Variants in ITGB6 observed in about 807,000 individuals in gnomAD.
The protein encoded by ITGB6 is integrin subunit beta 6.
In ITGB6, 80 loss-of-function variants were observed where a neutral mutation model predicts 84.5. The observed-to-expected ratio is 0.95, with a 90% CI of 0.79 to 1.14. ITGB6 has a LOEUF of 1.14. ITGB6 is among the 50% of genes most tolerant of loss of function. ITGB6 has a pLI of 0.00. For synonymous variants in ITGB6, 383 were observed against 354.9 expected (o/e 1.08, Z -0.89); for missense variants, 1,006 against 968.0 (o/e 1.04, Z -0.52).
chr2:160,198,246 G>C (rs1170614894), intron 2 of ITGB6, among the ~76,000 whole-genome samples: 1 of 152,156 alleles, frequency 6.6e-6, no homozygotes, highest in Non-Finnish European at 1.5e-5. Context: ...CGTTGGTCAA[G>C]GCCGTAGTAA....
At chr2:160,136,213 AAAC>A (rs1166719460) in intron 10 of ITGB6, among the ~76,000 whole-genome samples, 1 of 152,216 alleles carries the variant, frequency 6.6e-6, no homozygotes, top group African/African-American at 2.4e-5. Context: ...TACAAGAAAA[AAAC>A]AACCCCATCA....
At chr2:160,177,894 G>C (rs1685493666) in intron 4 of ITGB6, among the ~76,000 whole-genome samples, 1 of 151,882 alleles carries the variant, frequency 6.6e-6, no homozygotes, top group Non-Finnish European at 1.5e-5. Flanking sequence ...TATTTTTTTG[G>C]AGATGGAGTC....
At chr2:160,182,088 C>T (rs942467632) in intron 4 of ITGB6, among the ~76,000 whole-genome samples, 2 of 152,158 alleles carry the variant, frequency 1.3e-5, no homozygotes, top group African/African-American at 4.8e-5. Flanking sequence ...CTCTTCTCCT[C>T]CAAAGGATTA....
At chr2:160,192,104 T>G (rs1165338566) in intron 4 of ITGB6, among the ~76,000 whole-genome samples, 1 of 152,158 alleles carries the variant, frequency 6.6e-6, no homozygotes, top group Admixed American at 6.5e-5. Context: ...TCTCAGCATA[T>G]TTTTTGAAGA....
At chr2:160,186,417 T>C (rs1256381346) in intron 4 of ITGB6, among the ~76,000 whole-genome samples, 2 of 152,132 alleles carry the variant, frequency 1.3e-5, no homozygotes, top group African/African-American at 2.4e-5. Flanking sequence ...CACAATGAGA[T>C]ACCATCTCAT....
chr2:160,179,781 A>C (rs1423338360), intron 4 of ITGB6, among the ~76,000 whole-genome samples: 5 of 151,806 alleles, frequency 3.3e-5, no homozygotes, highest in African/African-American at 1.2e-4. Flanking sequence ...AAAAAACACC[A>C]CAGTATACAT....
At chr2:160,123,712 C>T in intron 12 of ITGB6, 79 bp downstream of exon 12, 1 of 1,070,754 alleles carries the variant, frequency 9.3e-7, no homozygotes, top group South Asian at 1.4e-5. Context: ...CTAAATAGCC[C>T]TCGATTCACA....
chr2:160,145,927 C>T (rs1210389991), intron 7 of ITGB6, among the ~76,000 whole-genome samples: 1 of 152,186 alleles, frequency 6.6e-6, no homozygotes, highest in Non-Finnish European at 1.5e-5. Context: ...TGGCTGTCTG[C>T]TGGGTCAGTG....
intron 8 of ITGB6, among the ~76,000 whole-genome samples, 153 bp downstream of exon 8, chr2:160,141,829 A>G (rs1368757908): frequency 6.6e-6 from 1 of 152,222 alleles, no homozygotes; most frequent in African/African-American, 2.4e-5. Flanking sequence ...CAAAATGAAC[A>G]AAATTTATAT....
chr2:160,129,075 A>C (rs10497209), intron 10 of ITGB6, among the ~76,000 whole-genome samples: 23,398 of 152,024 alleles, frequency 0.15, 2,418 homozygotes, highest in Non-Finnish European at 0.24. Context: ...TCCTTATAGA[A>C]GAGACTGAGA....
In ITGB6 at chr2:160,158,402, G is replaced by A. The variant is rs140033630; in HGVS notation, c.1017+10810C>T. ...TGGATCCACCGTGCATGACTGTTCT[G>A]AGACAAACAAATGCACAGAGAGGCA... On this transcript the variant is annotated intron_variant, in intron 7 of 14. Transcript: ENST00000283249. Among the ~76,000 whole-genome samples, 846 of 152,308 alleles carry A rather than the reference G, an allele frequency of 5.6e-3. 11 individuals are homozygous for A. The highest frequency in any genetic ancestry group is 0.02 in the African/African-American group (818 of 41,562).
intron 7 of ITGB6, among the ~76,000 whole-genome samples, chr2:160,164,389 C>G (rs1684925979): frequency 2.6e-5 from 4 of 152,088 alleles, no homozygotes; most frequent in Admixed American, 2.0e-4. Context: ...TTAGATCTCG[C>G]ATTATTGAAA....
At position 160,196,200 on chromosome 2, in the gene ITGB6, C is replaced by A. The variant is rs768627829; in HGVS notation, c.346+16G>T. ...ATGACATTAGATCTATTTACATGAG[C>A]CAAATCCTAACATACCTGGTCTCAA... On this transcript the variant is annotated intron_variant, in intron 3 of 14. Coordinates refer to ENST00000283249, the MANE Select transcript of ITGB6 (RefSeq NM_000888.5). The A allele has an allele frequency of 6.2e-7, 1 of 1,609,784 alleles. No homozygotes were observed. Among genetic ancestry groups the A allele is most frequent in the African/African-American group, 1.3e-5 (1 of 74,928 alleles).
intron 4 of ITGB6, among the ~76,000 whole-genome samples, chr2:160,178,670 TTC>T (rs1169328146): frequency 3.2e-4 from 40 of 126,448 alleles, no homozygotes; most frequent in Middle Eastern, 4.6e-3. Context: ...CTCTCTATCT[TTC>T]TCTCTCTCTC....
chr2:160,175,601 C>T (rs72982037), intron 4 of ITGB6, among the ~76,000 whole-genome samples: 339 of 152,286 alleles, frequency 2.2e-3, no homozygotes, highest in Non-Finnish European at 3.8e-3. Flanking sequence ...AGGCATAATG[C>T]TGAAATGCTG....
At position 160,171,642 on chromosome 2, in the gene ITGB6, A is replaced by G. The variant is rs1231394146; in HGVS notation, c.921+927T>C. Among the ~76,000 whole-genome samples the G allele has an allele frequency of 2.0e-5, 3 of 152,196 alleles. No homozygotes were observed. In the East Asian group the frequency reaches 5.8e-4, roughly 29 times the overall value. On this transcript the variant is annotated intron_variant, in intron 6 of 14. Transcript: ENST00000283249. Reference sequence around the variant, plus strand: ...AGCCAACGTGCCCGGCCTCTATTTCATACATTAGTTGGCACCCACTGTGTT... The same window carrying G: ...AGCCAACGTGCCCGGCCTCTATTTCGTACATTAGTTGGCACCCACTGTGTT...
At chr2:160,192,979 GACA>G (rs1574146804) in intron 4 of ITGB6, among the ~76,000 whole-genome samples, 1 of 152,018 alleles carries the variant, frequency 6.6e-6, no homozygotes. Flanking sequence ...TTTAAAAACT[GACA>G]ACATCAAGTG....
chr2:160,199,335 A>T (rs1223929116), intron 1 of ITGB6, 77 bp from the exon 2 acceptor site: 1 of 1,076,880 alleles, frequency 9.3e-7, no homozygotes, highest in African/African-American at 1.5e-5. Context: ...TGGCTCTTAC[A>T]TTACTTGAAC....
chr2:160,129,449 C>T (rs1297448759), intron 10 of ITGB6, among the ~76,000 whole-genome samples: 1 of 150,504 alleles, frequency 6.6e-6, no homozygotes, highest in African/African-American at 2.5e-5. Context: ...AAGTTTTGCT[C>T]TTCCAGCAAA....
Sources: allele counts gnomAD v4.1 joint callset (sites outside exome capture counted in the v4.1 genomes callset), GRCh38; gene constraint gnomAD v4.1.1; transcripts MANE v1.5; gene names NCBI Gene and HGNC (gene_info 2026-07-23, HGNC 2026-07-21).